Variants in CHL1 observed in about 807,000 individuals in gnomAD.
CHL1 encodes cell adhesion molecule L1 like.
Under a neutral mutation model 141.9 loss-of-function variants are expected in CHL1, and 96 were observed. That is an observed-to-expected ratio of 0.68 (90% CI 0.57 to 0.80). The LOEUF is 0.80. Among genes scored for constraint, CHL1 ranks in the 30% least tolerant of loss-of-function variants. CHL1 has a pLI of 0.00. For missense variants in CHL1, 1,820 were observed against 1,457.2 expected (o/e 1.25, Z -4.05); for synonymous variants, 613 against 502.2 (o/e 1.22, Z -2.95).
intron 5 of CHL1, among the ~76,000 whole-genome samples, chr3:330,914 T>A (rs1367656038): frequency 6.6e-6 from 1 of 152,086 alleles, no homozygotes; most frequent in Non-Finnish European, 1.5e-5. Flanking sequence ...GACCATCACA[T>A]GTGTAAAAAT....
chr3:305,957 T>TA (rs1699192168), intron 2 of CHL1, among the ~76,000 whole-genome samples: 1 of 152,180 alleles, frequency 6.6e-6, no homozygotes, highest in Non-Finnish European at 1.5e-5. Flanking sequence ...CATAAGACTA[T>TA]TAAACATGTG....
At chr3:234,144 ATAT>A (rs1272351082) in intron 1 of CHL1, among the ~76,000 whole-genome samples, 4 of 151,922 alleles carry the variant, frequency 2.6e-5, no homozygotes, top group African/African-American at 4.8e-5. Flanking sequence ...ATACACTAAA[ATAT>A]TATTTTACAG....
intron 5 of CHL1, among the ~76,000 whole-genome samples, chr3:332,152 G>C (rs936961608): frequency 1.3e-5 from 2 of 152,034 alleles, no homozygotes; most frequent in Non-Finnish European, 2.9e-5. Context: ...AAATATGCTG[G>C]AAAAAATACA....
chr3:313,891 T>C (rs904466), intron 2 of CHL1, among the ~76,000 whole-genome samples: 9,172 of 152,170 alleles, frequency 0.06, 911 homozygotes, highest in African/African-American at 0.21. Flanking sequence ...AAAATGGGCT[T>C]ACATTTTCTT....
chr3:302,905 G>T (rs1452210751), intron 2 of CHL1, among the ~76,000 whole-genome samples: 2 of 152,164 alleles, frequency 1.3e-5, no homozygotes, highest in Non-Finnish European at 2.9e-5. Context: ...GACCTATCTT[G>T]AGTTGATTTT....
chr3:238,683 G>C (rs907892556), intron 1 of CHL1, among the ~76,000 whole-genome samples: 3 of 152,004 alleles, frequency 2.0e-5, no homozygotes, highest in African/African-American at 4.8e-5. Flanking sequence ...CCAGCACTTT[G>C]GGAGGCCGAG....
At chr3:282,740 T>C (rs944907820) in intron 2 of CHL1, 1 of 152,202 alleles carries the variant, frequency 6.6e-6, no homozygotes, top group Non-Finnish European at 1.5e-5. Context: ...CCAAGGACCA[T>C]AGTAACCTTC....
chr3:342,851 G>C, intron 7 of CHL1, 133 bp from the exon 8 acceptor site: 1 of 594,968 alleles, frequency 1.7e-6, no homozygotes, highest in South Asian at 2.4e-5. Context: ...ATTCCCAAAG[G>C]CAATGTTCTA....
At chr3:336,472 G>C (rs1466522185) in intron 5 of CHL1, among the ~76,000 whole-genome samples, 7 of 152,114 alleles carry the variant, frequency 4.6e-5, no homozygotes, top group African/African-American at 1.7e-4. Context: ...ATGTTGGCAT[G>C]ATGGGATTAC....
At chr3:295,501 T>C (rs1357100427) in intron 2 of CHL1, among the ~76,000 whole-genome samples, 4 of 152,134 alleles carry the variant, frequency 2.6e-5, no homozygotes, top group Admixed American at 6.5e-5. Context: ...CATGAAATGA[T>C]GTTAAGAAAG....
At chr3:234,993 C>CTATTATTATTATTAT (rs67249915) in intron 1 of CHL1, among the ~76,000 whole-genome samples, 11 of 148,282 alleles carry the variant, frequency 7.4e-5, no homozygotes, top group Admixed American at 1.4e-4. Context: ...TTTTTTATTA[C>CTATTATTATTATTAT]TATTATTATT....
chr3:289,007 T>C (rs1197883015), intron 2 of CHL1, among the ~76,000 whole-genome samples: 1 of 152,224 alleles, frequency 6.6e-6, no homozygotes. Flanking sequence ...TAATCAACAT[T>C]TCTTCCTTTG....
rs751223609 is a variant in CHL1 at position 319,885 on chromosome 3, A to C, written c.91+18A>C. The C allele has an allele frequency of 2.8e-5, 38 of 1,370,620 alleles. No homozygotes were observed. The highest frequency in any genetic ancestry group is 3.7e-5 in the Non-Finnish European group (36 of 967,740). The allele number at this position is 1,370,620 out of a possible 1,614,324, so 84.9% of individuals were successfully genotyped here. On this transcript the variant is annotated intron_variant, in intron 3 of 27. Transcript: ENST00000256509. Reference sequence around the variant, plus strand: ...ATCTTCAGGTAAAGTTAAAACATTCAGTGCCTATTAATGGAATTTCATATT... The same window carrying C: ...ATCTTCAGGTAAAGTTAAAACATTCCGTGCCTATTAATGGAATTTCATATT...
chr3:242,297 C>A (rs1692655834), intron 1 of CHL1, among the ~76,000 whole-genome samples: 1 of 139,704 alleles, frequency 7.2e-6, no homozygotes, highest in East Asian at 2.3e-4. Context: ...TGAAAGAAAA[C>A]CTAATAATAC....
At chr3:252,845 G>A (rs771504943) in intron 2 of CHL1, among the ~76,000 whole-genome samples, 1 of 151,964 alleles carries the variant, frequency 6.6e-6, no homozygotes, top group Non-Finnish European at 1.5e-5. Flanking sequence ...GTATAGATAC[G>A]CTTTTCATTA....
At chr3:269,717 G>A (rs549772052) in intron 2 of CHL1, among the ~76,000 whole-genome samples, 2 of 152,180 alleles carry the variant, frequency 1.3e-5, no homozygotes, top group African/African-American at 4.8e-5. Context: ...TAGAGATGGG[G>A]TTTCAACCAT....
Position 382,209 on chromosome 3 carries a change from T to C in CHL1, c.1907T>C (p.Leu636Ser). 1.2e-6 allele frequency: 2 copies of C among 1,613,638 alleles called. No individual in the cohort carries two copies. The highest frequency in any genetic ancestry group is 1.7e-6 in the Non-Finnish European group (2 of 1,179,716). ...DVPDPPENLH[L>S]SERQNRSVRL... ...CCGGATCCACCAGAAAACCTTCACTTGTCTGAAAGACAGAACAGGAGTGTT... is the reference window on the plus strand; with the variant it reads ...CCGGATCCACCAGAAAACCTTCACTCGTCTGAAAGACAGAACAGGAGTGTT... Residue 636 changes from leucine to serine, a missense_variant, in exon 17 of 28, where the codon TTG becomes TCG. Coordinates refer to ENST00000256509, the MANE Select transcript of CHL1 (RefSeq NM_006614.4).
At chr3:323,391 G>A (rs1700750601) in intron 3 of CHL1, among the ~76,000 whole-genome samples, 1 of 152,042 alleles carries the variant, frequency 6.6e-6, no homozygotes, top group African/African-American at 2.4e-5. Flanking sequence ...ATGCATCAAT[G>A]TTTGGAAGAC....
intron 1 of CHL1, among the ~76,000 whole-genome samples, chr3:219,438 T>A (rs1166759380): frequency 2.0e-5 from 3 of 152,110 alleles, no homozygotes; most frequent in Admixed American, 2.0e-4. Flanking sequence ...TAAATGCCCA[T>A]CAATGACATC....
Sources: gnomAD v4.1 joint callset for allele counts (sites outside exome capture counted in the v4.1 genomes callset) on GRCh38, gnomAD v4.1.1 for gene constraint, MANE v1.5 for transcripts, NCBI Gene and HGNC (gene_info 2026-07-23, HGNC 2026-07-21) for gene names.